The following ZNF730 variants were observed in gnomAD, a reference collection of about 807,000 sequenced individuals.
ZNF730 encodes putative zinc finger protein 730.
Under a neutral mutation model 12.6 loss-of-function variants are expected in ZNF730, and 12 were observed. The ratio of observed to expected loss-of-function variants is 0.95; its 90% CI spans 0.61 to 1.54. The LOEUF (loss-of-function observed/expected upper bound fraction) is 1.54. ZNF730 is among the 40% of genes most tolerant of loss of function. The pLI is 0.00. For synonymous variants in ZNF730, 194 were observed against 195.8 expected (o/e 0.99, Z 0.08); for missense variants, 643 against 583.5 (o/e 1.10, Z -1.05).
chr19:23,127,477 T>C, intron 1 of ZNF730: 1 of 1,078,064 alleles, frequency 9.3e-7, no homozygotes, highest in African/African-American at 1.5e-5. Context: ...GCTTCTGTAC[T>C]TTTTCCCTTG....
intron 1 of ZNF730, chr19:23,095,235 T>C: frequency 1.0e-5 from 4 of 396,296 alleles, no homozygotes; most frequent in Non-Finnish European, 1.8e-5. Context: ...CCAGGTGGTG[T>C]GAATCTTCTG....
At chr19:23,138,282 C>CAAAAAAAAAAAAAA (rs1315758966) in intron 3 of ZNF730, among the ~76,000 whole-genome samples, 2 of 9,460 alleles carry the variant, frequency 2.1e-4, no homozygotes, top group African/African-American at 5.2e-4. Flanking sequence ...GACTCCGTCT[C>CAAAAAAAAAAAAAA]AAAAAAAAAA....
chr19:23,129,287 G>A (rs1195203011), intron 1 of ZNF730, among the ~76,000 whole-genome samples: 2 of 152,162 alleles, frequency 1.3e-5, no homozygotes, highest in African/African-American at 4.8e-5. Context: ...CTGACAGCTT[G>A]CACCATGTGC....
At chr19:23,086,710 G>A (rs745856876) in intron 1 of ZNF730, among the ~76,000 whole-genome samples, 16 of 152,106 alleles carry the variant, frequency 1.1e-4, no homozygotes, top group African/African-American at 2.9e-4. Context: ...GTTGAAAGTC[G>A]GGTAGTGTGA....
intron 1 of ZNF730, among the ~76,000 whole-genome samples, chr19:23,109,212 A>G (rs142730757): frequency 1.4e-3 from 215 of 152,174 alleles, no homozygotes; most frequent in African/African-American, 5.0e-3. Context: ...AATGTTATTA[A>G]TGTTTATTTC....
chr19:23,109,046 C>A (rs1280338437), intron 1 of ZNF730, among the ~76,000 whole-genome samples: 1 of 149,380 alleles, frequency 6.7e-6, no homozygotes, highest in East Asian at 1.9e-4. Context: ...GCCACAGCAC[C>A]CAGCCAAAAA....
At chr19:23,145,191 T>A in intron 3 of ZNF730, 80 bp from the exon 4 acceptor site, 2 of 983,480 alleles carry the variant, frequency 2.0e-6, no homozygotes, top group Non-Finnish European at 2.8e-6. Flanking sequence ...GTTATGTAGT[T>A]TGTATAACTT....
chr19:23,096,710 A>G (rs369283962), intron 1 of ZNF730, among the ~76,000 whole-genome samples: 3 of 152,210 alleles, frequency 2.0e-5, no homozygotes, highest in African/African-American at 7.2e-5. Flanking sequence ...CACAAGGGGT[A>G]CTGTGACATA....
At chr19:23,101,275 T>G (rs2145535603) in intron 1 of ZNF730, among the ~76,000 whole-genome samples, 1 of 152,298 alleles carries the variant, frequency 6.6e-6, no homozygotes, top group African/African-American at 2.4e-5. Flanking sequence ...GTTGAATAAT[T>G]GACTCTCACG....
intron 1 of ZNF730, among the ~76,000 whole-genome samples, chr19:23,106,808 A>AG (rs1252286179): frequency 6.6e-6 from 1 of 152,022 alleles, no homozygotes; most frequent in African/African-American, 2.4e-5. Flanking sequence ...AAAAAAAAAA[A>AG]AGGTTGGAAT....
intron 3 of ZNF730, chr19:23,143,458 T>C (rs1332773794): frequency 6.6e-6 from 1 of 152,226 alleles, no homozygotes; most frequent in Non-Finnish European, 1.5e-5. Flanking sequence ...TTCTGCACCA[T>C]TATGATAATG....
chr19:23,075,775 C>T (rs762654139), intron 1 of ZNF730, among the ~76,000 whole-genome samples: 2 of 151,864 alleles, frequency 1.3e-5, no homozygotes, highest in African/African-American at 2.4e-5. Context: ...CAGTCTCGCT[C>T]TGTCGCTAAG....
At position 23,134,318 on chromosome 19, in the gene ZNF730, T is replaced by C. The variant is rs1047916892; in HGVS notation, c.130+112T>C. 1.9e-4 allele frequency: 188 copies of C among 994,712 alleles called. 2 individuals are homozygous for C. The African/African-American group carries it at 2.9e-3, about 15-fold the overall frequency. The allele number at this position is 994,712 out of a possible 1,614,324, so 61.6% of individuals were successfully genotyped here. A position where few individuals can be genotyped will look rare whatever the true frequency, so the allele number is the denominator to read the frequency against. Reference sequence around the variant, plus strand: ...TTTTTTTCTTTTTCTTTTTCTTTTTTTTTTTAAGTCCTCAGGATTTGTCCC... The same window carrying C: ...TTTTTTTCTTTTTCTTTTTCTTTTTCTTTTTAAGTCCTCAGGATTTGTCCC... On this transcript the variant is annotated intron_variant, in intron 2 of 3. Coordinates refer to ENST00000597761, the MANE Select transcript of ZNF730 (RefSeq NM_001277403.2).
At chr19:23,140,712 G>A (rs993465927) in intron 3 of ZNF730, among the ~76,000 whole-genome samples, 14 of 151,946 alleles carry the variant, frequency 9.2e-5, no homozygotes, top group African/African-American at 3.4e-4. Context: ...CCAGCACTTT[G>A]GGAGGCCGAG....
chr19:23,114,189 C>T (rs1970487142), upstream of ZNF730, among the ~76,000 whole-genome samples: 1 of 152,064 alleles, frequency 6.6e-6, no homozygotes, highest in African/African-American at 2.4e-5. Flanking sequence ...TGTTGCTGTG[C>T]TGGAGTATTT....
chr19:23,120,399 T>C (rs1008278389), intron 1 of ZNF730, among the ~76,000 whole-genome samples: 7 of 152,150 alleles, frequency 4.6e-5, no homozygotes, highest in African/African-American at 1.7e-4. Context: ...TGTTCAGTTA[T>C]GGGAAGATGG....
At chr19:23,133,327 GTTTTTTTTGTT>G (rs1339582759) in intron 1 of ZNF730, among the ~76,000 whole-genome samples, 3 of 150,790 alleles carry the variant, frequency 2.0e-5, no homozygotes, top group African/African-American at 7.3e-5. Context: ...GTCATCTTGT[GTTTTTTTTGTT>G]TTTTTTTTGT....
chr19:23,102,831 C>T (rs1215546831), intron 1 of ZNF730, among the ~76,000 whole-genome samples: 2 of 152,094 alleles, frequency 1.3e-5, no homozygotes, highest in Non-Finnish European at 2.9e-5. Flanking sequence ...CTCAAACCAG[C>T]CAATAGGAGA....
At chr19:23,103,576 C>G (rs1970359250) in intron 1 of ZNF730, among the ~76,000 whole-genome samples, 1 of 152,098 alleles carries the variant, frequency 6.6e-6, no homozygotes, top group African/African-American at 2.4e-5. Flanking sequence ...TCAAAATTGC[C>G]TTTCCTGATT....
Sources: allele counts gnomAD v4.1 joint callset (sites outside exome capture counted in the v4.1 genomes callset), GRCh38; gene constraint gnomAD v4.1.1; transcripts MANE v1.5; gene names NCBI Gene and HGNC (gene_info 2026-07-23, HGNC 2026-07-21).